MTHFD2L: variants seen among roughly 807,000 people sequenced by gnomAD.
MTHFD2L encodes the protein bifunctional methylenetetrahydrofolate dehydrogenase/cyclohydrolase 2, mitochondrial.
A neutral mutation model predicts 34.9 loss-of-function variants in MTHFD2L; 29 were observed. That is an observed-to-expected ratio of 0.83 (90% CI 0.62 to 1.13). The LOEUF (loss-of-function observed/expected upper bound fraction) is 1.13, where lower values mean the gene tolerates loss of function less well. MTHFD2L is among the 50% of genes most tolerant of loss of function. The probability of loss-of-function intolerance (pLI) is 0.00; values close to 1 mark genes in which losing one functional copy is unlikely to be tolerated. For missense variants in MTHFD2L, 481 were observed against 446.5 expected (o/e 1.08, Z -0.70); for synonymous variants, 167 against 155.7 (o/e 1.07, Z -0.54).
At chr4:74,191,758 C>T (rs1732566519) in intron 3 of MTHFD2L, among the ~76,000 whole-genome samples, 1 of 151,930 alleles carries the variant, frequency 6.6e-6, no homozygotes, top group Non-Finnish European at 1.5e-5. Context: ...AGGGTTTCAC[C>T]ATGTTGGCCA....
At chr4:74,285,826 A>G (rs2110291859) in intron 7 of MTHFD2L, among the ~76,000 whole-genome samples, 1 of 152,284 alleles carries the variant, frequency 6.6e-6, no homozygotes. Flanking sequence ...TCATGAAATT[A>G]GTGATCATAT....
intron 1 of MTHFD2L, among the ~76,000 whole-genome samples, chr4:74,142,675 A>G (rs536593248): frequency 1.6e-4 from 24 of 152,232 alleles, no homozygotes; most frequent in Non-Finnish European, 3.1e-4. Flanking sequence ...ATGTATCAAG[A>G]TAACAACATA....
intron 7 of MTHFD2L, among the ~76,000 whole-genome samples, chr4:74,282,095 A>T (rs1747563338): frequency 6.6e-6 from 1 of 152,112 alleles, no homozygotes; most frequent in Non-Finnish European, 1.5e-5. Context: ...TCGATGAAAG[A>T]TACAAGGCAA....
intron 1 of MTHFD2L, among the ~76,000 whole-genome samples, chr4:74,128,684 CT>C (rs2062776441): frequency 6.6e-6 from 1 of 151,928 alleles, no homozygotes; most frequent in South Asian, 2.1e-4. Flanking sequence ...CTCAGGATTG[CT>C]TTGGCTATTC....
chr4:74,286,431 T>C (rs1387883985), intron 7 of MTHFD2L, among the ~76,000 whole-genome samples: 1 of 152,306 alleles, frequency 6.6e-6, no homozygotes, highest in South Asian at 2.1e-4. Flanking sequence ...AGAAACTTCA[T>C]ACATTTCTGA....
At chr4:74,188,554 A>G (rs1731767141) in intron 3 of MTHFD2L, among the ~76,000 whole-genome samples, 1 of 151,988 alleles carries the variant, frequency 6.6e-6, no homozygotes, top group African/African-American at 2.4e-5. Flanking sequence ...TCCATAACAA[A>G]TGTTTATAGA....
intron 6 of MTHFD2L, among the ~76,000 whole-genome samples, chr4:74,271,482 G>T (rs1345029760): frequency 1.3e-5 from 2 of 152,218 alleles, no homozygotes; most frequent in African/African-American, 4.8e-5. Context: ...GATGGTTGTA[G>T]ATGTGTGGTA....
At chr4:74,249,335 A>T (rs371723131) in intron 6 of MTHFD2L, among the ~76,000 whole-genome samples, 2 of 151,856 alleles carry the variant, frequency 1.3e-5, no homozygotes, top group African/African-American at 4.8e-5. Flanking sequence ...ATTTGCTTGG[A>T]AGATCTTCCT....
intron 7 of MTHFD2L, among the ~76,000 whole-genome samples, chr4:74,291,706 C>T (rs912895373): frequency 5.3e-5 from 8 of 152,142 alleles, no homozygotes; most frequent in Non-Finnish European, 7.4e-5. Flanking sequence ...ACTGCTTACT[C>T]CCAAGTGTGT....
intron 5 of MTHFD2L, among the ~76,000 whole-genome samples, chr4:74,209,689 T>C (rs531339992): frequency 5.3e-5 from 8 of 152,220 alleles, no homozygotes; most frequent in Non-Finnish European, 1.2e-4. Context: ...GAATGATTTA[T>C]AATTCTTTGG....
intron 3 of MTHFD2L, among the ~76,000 whole-genome samples, chr4:74,190,780 A>G (rs1441150146): frequency 6.6e-6 from 1 of 152,132 alleles, no homozygotes; most frequent in Non-Finnish European, 1.5e-5. Flanking sequence ...TCTCTTATTT[A>G]CTCTTAGAAA....
intron 1 of MTHFD2L, among the ~76,000 whole-genome samples, chr4:74,130,672 G>A (rs563557816): frequency 3.9e-5 from 6 of 152,128 alleles, no homozygotes; most frequent in South Asian, 2.1e-4. Flanking sequence ...TTTGAAAACC[G>A]GCACAAGACA....
intron 6 of MTHFD2L, among the ~76,000 whole-genome samples, chr4:74,243,855 C>T (rs1472879244): frequency 6.6e-6 from 1 of 152,160 alleles, no homozygotes; most frequent in Non-Finnish European, 1.5e-5. Flanking sequence ...ACACAGACCT[C>T]ACCTATAATA....
At chr4:74,266,822 G>A (rs1745337641) in intron 6 of MTHFD2L, 4 of 984,392 alleles carry the variant, frequency 4.1e-6, no homozygotes, top group Non-Finnish European at 4.8e-6. Context: ...GGTTGTAGGA[G>A]AAGGGAAAAT....
At chr4:74,225,249 A>T in intron 5 of MTHFD2L, 53 bp from the exon 6 acceptor site, 1 of 1,359,330 alleles carries the variant, frequency 7.4e-7, no homozygotes, top group Non-Finnish European at 1.0e-6. Flanking sequence ...TAGAGCATTT[A>T]TAAAATTTTT....
At chr4:74,173,872 A>C (rs185941722) in intron 1 of MTHFD2L, among the ~76,000 whole-genome samples, 1 of 152,190 alleles carries the variant, frequency 6.6e-6, no homozygotes, top group African/African-American at 2.4e-5. Flanking sequence ...TATAATATAT[A>C]TGTTTTATAT....
intron 5 of MTHFD2L, among the ~76,000 whole-genome samples, chr4:74,202,458 C>T (rs1734606425): frequency 6.6e-6 from 1 of 152,108 alleles, no homozygotes. Context: ...AAATTTTTCC[C>T]ACCAGCCTGA....
chr4:74,297,863 A>G (rs1560571197), intron 7 of MTHFD2L, among the ~76,000 whole-genome samples: 1 of 152,118 alleles, frequency 6.6e-6, no homozygotes, highest in Non-Finnish European at 1.5e-5. Context: ...ATGCAAAATC[A>G]TTAGAGTAGA....
At chr4:74,130,039 G>A (rs995600640) in intron 1 of MTHFD2L, among the ~76,000 whole-genome samples, 3 of 152,140 alleles carry the variant, frequency 2.0e-5, no homozygotes, top group Non-Finnish European at 4.4e-5. Context: ...AAACCAGGAA[G>A]AAGTCGAATC....
Sources: allele counts gnomAD v4.1 joint callset (sites outside exome capture counted in the v4.1 genomes callset), GRCh38; gene constraint gnomAD v4.1.1; transcripts MANE v1.5; gene names NCBI Gene and HGNC (gene_info 2026-07-23, HGNC 2026-07-21).